The following LRMDA variants were observed in gnomAD, a reference collection of about 807,000 sequenced individuals.
The protein encoded by LRMDA is leucine-rich melanocyte differentiation-associated protein.
In LRMDA, 18 loss-of-function variants were observed where a neutral mutation model predicts 29.8. The observed-to-expected ratio is 0.60, with a 90% CI of 0.42 to 0.90. The LOEUF (loss-of-function observed/expected upper bound fraction) is 0.90, where lower values mean the gene tolerates loss of function less well. LRMDA is among the 40% of genes least tolerant of loss of function. LRMDA has a pLI of 0.00. For synonymous variants in LRMDA, 125 were observed against 109.4 expected, an observed-to-expected ratio of 1.14 and a Z score of -0.89; for missense variants, 273 against 273.9, an observed-to-expected ratio of 1.00 and a Z score of 0.02.
chr10:75,633,471 A>G (rs1474576349), intron 2 of LRMDA, among the ~76,000 whole-genome samples: 1 of 152,192 alleles, frequency 6.6e-6, no homozygotes, highest in Non-Finnish European at 1.5e-5. Context: ...ATTCACTGTC[A>G]AATACATAAT....
intron 2 of LRMDA, among the ~76,000 whole-genome samples, chr10:75,490,054 C>T (rs187091600): frequency 1.2e-4 from 19 of 152,150 alleles, no homozygotes; most frequent in Non-Finnish European, 2.5e-4. Flanking sequence ...TTATGTGGTT[C>T]ATGTCATTTG....
intron 2 of LRMDA, among the ~76,000 whole-genome samples, chr10:75,948,786 G>T (rs1846523022): frequency 6.6e-6 from 1 of 152,092 alleles, no homozygotes; most frequent in African/African-American, 2.4e-5. Flanking sequence ...ACCCATGGCT[G>T]CTGTGGTGAT....
intron 2 of LRMDA, among the ~76,000 whole-genome samples, chr10:75,537,847 T>C (rs1488269022): frequency 6.6e-6 from 1 of 152,330 alleles, no homozygotes; most frequent in African/African-American, 2.4e-5. Context: ...TGGCCTGGCT[T>C]TGTGCTTGTC....
chr10:76,114,143 C>G (rs1411740710), intron 5 of LRMDA, among the ~76,000 whole-genome samples: 2 of 152,190 alleles, frequency 1.3e-5, no homozygotes, highest in Non-Finnish European at 2.9e-5. Flanking sequence ...TGTGGGATTA[C>G]AGGCTGACAA....
intron 2 of LRMDA, among the ~76,000 whole-genome samples, chr10:75,869,565 A>G (rs1397599029): frequency 6.6e-6 from 1 of 152,200 alleles, no homozygotes; most frequent in African/African-American, 2.4e-5. Flanking sequence ...TTATGTAAAT[A>G]TGTATACACA....
At chr10:75,716,016 G>A (rs1842495770) in intron 2 of LRMDA, among the ~76,000 whole-genome samples, 1 of 152,200 alleles carries the variant, frequency 6.6e-6, no homozygotes, top group Non-Finnish European at 1.5e-5. Flanking sequence ...ATCAGTGCTA[G>A]AAGAGGCATG....
intron 6 of LRMDA, among the ~76,000 whole-genome samples, chr10:76,341,047 G>A (rs575311271): frequency 6.6e-6 from 1 of 152,246 alleles, no homozygotes; most frequent in African/African-American, 2.4e-5. Flanking sequence ...AAAACCTAAT[G>A]CTCTGTGTTG....
chr10:76,358,147 T>A (rs961268050), intron 6 of LRMDA, among the ~76,000 whole-genome samples: 6 of 152,158 alleles, frequency 3.9e-5, no homozygotes, highest in African/African-American at 1.2e-4. Context: ...TAAAAGCAGA[T>A]CCCTCAGCTT....
intron 5 of LRMDA, among the ~76,000 whole-genome samples, chr10:76,095,298 A>C (rs1379271092): frequency 6.6e-6 from 1 of 152,200 alleles, no homozygotes; most frequent in Non-Finnish European, 1.5e-5. Flanking sequence ...ATATTGTTGC[A>C]ATGTATCAGT....
chr10:75,519,864 G>A (rs1845335728), intron 2 of LRMDA, among the ~76,000 whole-genome samples: 1 of 152,198 alleles, frequency 6.6e-6, no homozygotes, highest in Non-Finnish European at 1.5e-5. Flanking sequence ...AGCTCTGTAA[G>A]GCAGTTCTGG....
At chr10:76,014,094 TA>T (rs5786208) in intron 2 of LRMDA, among the ~76,000 whole-genome samples, 50 of 105,168 alleles carry the variant, frequency 4.8e-4, no homozygotes, top group Non-Finnish European at 6.0e-4. Context: ...TGTTTCTGTT[TA>T]AAAAAAAAAA....
chr10:76,474,970 C>G (rs968535298), intron 6 of LRMDA, among the ~76,000 whole-genome samples: 3 of 151,708 alleles, frequency 2.0e-5, no homozygotes, highest in Non-Finnish European at 1.5e-5. Context: ...AAATGTTCAT[C>G]AATTGATGAG....
intron 2 of LRMDA, among the ~76,000 whole-genome samples, chr10:75,906,539 A>T (rs1845761808): frequency 6.6e-6 from 1 of 152,194 alleles, no homozygotes; most frequent in Non-Finnish European, 1.5e-5. Flanking sequence ...GCTGGGATTA[A>T]CGAAAAAAGC....
intron 2 of LRMDA, among the ~76,000 whole-genome samples, chr10:75,779,320 C>T (rs1169699205): frequency 6.6e-6 from 1 of 152,158 alleles, no homozygotes; most frequent in Non-Finnish European, 1.5e-5. Context: ...TTGGCCACCA[C>T]ATTCTCCTCT....
intron 2 of LRMDA, among the ~76,000 whole-genome samples, chr10:75,737,503 G>C (rs775263084): frequency 1.1e-4 from 16 of 152,188 alleles, no homozygotes; most frequent in Non-Finnish European, 2.1e-4. Flanking sequence ...GGTTGGTTTG[G>C]CAGCGGTTGA....
intron 2 of LRMDA, among the ~76,000 whole-genome samples, chr10:75,475,892 G>A (rs78751648): frequency 0.011 from 1,649 of 152,136 alleles, 32 homozygotes; most frequent in African/African-American, 0.038. Flanking sequence ...TTCTCCTTCC[G>A]AAAGAAGGCG....
chr10:76,487,005 A>G (rs1842789136), intron 6 of LRMDA, among the ~76,000 whole-genome samples: 1 of 151,982 alleles, frequency 6.6e-6, no homozygotes, highest in Admixed American at 6.6e-5. Flanking sequence ...GTGTTGCTAG[A>G]TATGTAGATT....
At chr10:76,329,690 T>C (rs535147446) in intron 6 of LRMDA, among the ~76,000 whole-genome samples, 3 of 152,292 alleles carry the variant, frequency 2.0e-5, no homozygotes, top group African/African-American at 7.2e-5. Flanking sequence ...ACAAAGTAAT[T>C]TATATAGCAA....
chr10:76,344,141 A>T (rs1444880093), intron 6 of LRMDA, among the ~76,000 whole-genome samples: 1 of 152,058 alleles, frequency 6.6e-6, no homozygotes, highest in Non-Finnish European at 1.5e-5. Flanking sequence ...TTGCACTTGG[A>T]ATTTAAGGGA....
Sources: gnomAD v4.1 joint callset for allele counts (sites outside exome capture counted in the v4.1 genomes callset) on GRCh38, gnomAD v4.1.1 for gene constraint, MANE v1.5 for transcripts, NCBI Gene and HGNC (gene_info 2026-07-23, HGNC 2026-07-21) for gene names.